PTPRD: variants seen among roughly 807,000 people sequenced by gnomAD.
The protein encoded by PTPRD is protein tyrosine phosphatase receptor type D.
A neutral mutation model predicts 214.5 loss-of-function variants in PTPRD; 34 were observed. The ratio of observed to expected loss-of-function variants is 0.16; its 90% CI spans 0.12 to 0.21. PTPRD has a LOEUF of 0.21. Ranked by LOEUF, PTPRD falls within the 10% of genes least tolerant of loss-of-function variation. The pLI, the probability that PTPRD is intolerant of heterozygous loss-of-function variation, is 1.00. For missense variants in PTPRD, 2,545 were observed against 2,398.7 expected, an observed-to-expected ratio of 1.06 and a Z score of -1.27; for synonymous variants, 1,128 against 845.7, an observed-to-expected ratio of 1.33 and a Z score of -5.79.
intron 7 of PTPRD, among the ~76,000 whole-genome samples, chr9:9,614,665 G>A (rs1256554184): frequency 3.3e-5 from 5 of 152,142 alleles, no homozygotes; most frequent in African/African-American, 1.2e-4. Context: ...TTATTTTGCA[G>A]TATATGCATA....
At chr9:10,464,359 G>A (rs980188174) in intron 2 of PTPRD, among the ~76,000 whole-genome samples, 2 of 151,930 alleles carry the variant, frequency 1.3e-5, no homozygotes, top group East Asian at 1.9e-4. Context: ...CAGCCTGAGC[G>A]ATGGAGTGAG....
rs374636360 is a variant in PTPRD at position 9,233,479 on chromosome 9, C to G, written c.-202-50116G>C. On this transcript the variant is annotated intron_variant, in intron 9 of 45. Transcript: ENST00000381196. ...GCCACTCCCTAATCTCATGTTCTTA[C>G]ATTTCAAAACACAATCATGCCTTCC... 4.6e-3 allele frequency among the ~76,000 whole-genome samples: 708 copies of G among 152,280 alleles called. 3 individuals are homozygous for G. The highest frequency in any genetic ancestry group is 5.6e-3 in the South Asian group (27 of 4,826).
At chr9:9,353,109 A>G (rs930435788) in intron 9 of PTPRD, among the ~76,000 whole-genome samples, 2 of 151,962 alleles carry the variant, frequency 1.3e-5, no homozygotes, top group Non-Finnish European at 2.9e-5. Context: ...TGTTCACTAG[A>G]GAAGTTCAGG....
intron 9 of PTPRD, among the ~76,000 whole-genome samples, chr9:9,244,171 T>C (rs1435054985): frequency 1.3e-5 from 2 of 152,150 alleles, no homozygotes; most frequent in East Asian, 1.9e-4. Flanking sequence ...TCCATGCTCA[T>C]GGATAGGAAG....
At chr9:9,908,263 G>C (rs1479026718) in intron 5 of PTPRD, among the ~76,000 whole-genome samples, 1 of 151,952 alleles carries the variant, frequency 6.6e-6, no homozygotes, top group African/African-American at 2.4e-5. Flanking sequence ...TGCTGGCAGT[G>C]ATTGCTGTAT....
chr9:9,505,923 A>G (rs2096560047), intron 8 of PTPRD, among the ~76,000 whole-genome samples: 1 of 151,442 alleles, frequency 6.6e-6, no homozygotes, highest in Non-Finnish European at 1.5e-5. Context: ...TCCAACTCTT[A>G]AATCGGAAAT....
At chr9:9,982,047 C>T (rs2095559577) in intron 4 of PTPRD, among the ~76,000 whole-genome samples, 1 of 152,212 alleles carries the variant, frequency 6.6e-6, no homozygotes, top group East Asian at 1.9e-4. Flanking sequence ...TACCAGATTG[C>T]TTCCCCTAGG....
At chr9:10,488,467 T>G (rs1344979606) in intron 2 of PTPRD, among the ~76,000 whole-genome samples, 4 of 151,782 alleles carry the variant, frequency 2.6e-5, no homozygotes, top group African/African-American at 9.7e-5. Flanking sequence ...GACTATGGCC[T>G]GTGTTTGTTC....
chr9:9,766,368 C>G (rs1284119517), intron 6 of PTPRD, among the ~76,000 whole-genome samples: 2 of 152,102 alleles, frequency 1.3e-5, no homozygotes, highest in South Asian at 4.1e-4. Context: ...ATTCCTTCCT[C>G]TTTTTAAATT....
intron 8 of PTPRD, among the ~76,000 whole-genome samples, chr9:9,407,528 T>G (rs1329601640): frequency 1.3e-5 from 2 of 151,780 alleles, no homozygotes; most frequent in African/African-American, 2.4e-5. Flanking sequence ...ATGAAGAAAT[T>G]TTTGTCCTAT....
chr9:8,817,031 C>G (rs1458095146), intron 11 of PTPRD, among the ~76,000 whole-genome samples: 1 of 152,188 alleles, frequency 6.6e-6, no homozygotes, highest in Non-Finnish European at 1.5e-5. Context: ...ATAAGTGAAT[C>G]AACAATATGA....
At chr9:10,504,481 A>C (rs2045207882) in intron 2 of PTPRD, among the ~76,000 whole-genome samples, 2 of 152,312 alleles carry the variant, frequency 1.3e-5, no homozygotes, top group South Asian at 4.1e-4. Context: ...GAAACGATGG[A>C]CATTTAGAAA....
intron 5 of PTPRD, among the ~76,000 whole-genome samples, chr9:9,796,433 T>C (rs2099002955): frequency 6.6e-6 from 1 of 152,102 alleles, no homozygotes; most frequent in Non-Finnish European, 1.5e-5. Context: ...GAGGTTGAAA[T>C]GATGGCTCTG....
At chr9:9,584,877 G>A (rs1344470661) in intron 7 of PTPRD, among the ~76,000 whole-genome samples, 1 of 151,920 alleles carries the variant, frequency 6.6e-6, no homozygotes, top group African/African-American at 2.4e-5. Flanking sequence ...TTGTGTGGAT[G>A]CTTTACACGT....
chr9:9,036,288 T>C (rs1326777211), intron 10 of PTPRD, among the ~76,000 whole-genome samples: 2 of 150,814 alleles, frequency 1.3e-5, no homozygotes, highest in East Asian at 1.9e-4. Context: ...AGTAAATAAT[T>C]AGTGCTCTTC....
chr9:10,578,216 A>G (rs2070260966), intron 2 of PTPRD, among the ~76,000 whole-genome samples: 1 of 151,938 alleles, frequency 6.6e-6, no homozygotes, highest in African/African-American at 2.4e-5. Flanking sequence ...AGCCCATTAC[A>G]AGGTATTTCA....
At chr9:8,476,481 G>T (rs1440150651) in intron 30 of PTPRD, among the ~76,000 whole-genome samples, 2 of 152,066 alleles carry the variant, frequency 1.3e-5, no homozygotes, top group African/African-American at 2.4e-5. Flanking sequence ...TTAAACTATC[G>T]ATCATTCTGT....
intron 11 of PTPRD, among the ~76,000 whole-genome samples, chr9:8,844,940 G>A (rs1390181810): frequency 6.6e-6 from 1 of 152,036 alleles, no homozygotes; most frequent in Non-Finnish European, 1.5e-5. Context: ...ATTAAAAATG[G>A]ACATTACCGG....
chr9:9,091,512 C>T (rs1351638387), intron 10 of PTPRD, among the ~76,000 whole-genome samples: 4 of 152,138 alleles, frequency 2.6e-5, no homozygotes, highest in African/African-American at 9.7e-5. Flanking sequence ...ATTTGTCCTA[C>T]AGCAATTAGT....
Sources: gnomAD v4.1 joint callset for allele counts (sites outside exome capture counted in the v4.1 genomes callset) on GRCh38, gnomAD v4.1.1 for gene constraint, MANE v1.5 for transcripts, NCBI Gene and HGNC (gene_info 2026-07-23, HGNC 2026-07-21) for gene names.